The following CHD1L variants were observed in gnomAD, a reference collection of about 807,000 sequenced individuals.
CHD1L encodes chromodomain helicase DNA binding protein 1 like, also known as ATP-dependent chromatin remodeler CHD1L.
Under a neutral mutation model 115.9 loss-of-function variants are expected in CHD1L, and 118 were observed. The observed-to-expected ratio is 1.02, with a 90% CI of 0.88 to 1.19. CHD1L has a LOEUF of 1.19. Among genes scored for constraint, CHD1L ranks in the 50% most tolerant of loss-of-function variants. The pLI, the probability that CHD1L is intolerant of heterozygous loss-of-function variation, is 0.00. For missense variants in CHD1L, 1,179 were observed against 1,065.3 expected (o/e 1.11, Z -1.49); for synonymous variants, 411 against 387.1 (o/e 1.06, Z -0.72).
At chr1:147,188,737 A>C in the CHD1L span, among the ~76,000 whole-genome samples, 1 of 151,076 alleles carries the variant, frequency 6.6e-6, no homozygotes, top group African/African-American at 2.4e-5. Flanking sequence ...ATAAATAAAT[A>C]AATAAATATT....
intron 6 of CHD1L, among the ~76,000 whole-genome samples, chr1:147,262,224 A>G (rs1006041376): frequency 2.4e-4 from 37 of 151,880 alleles, no homozygotes; most frequent in African/African-American, 8.7e-4. Flanking sequence ...AGTTGGAAGC[A>G]ACCTAAATGT....
the CHD1L span, among the ~76,000 whole-genome samples, chr1:147,219,434 C>A: frequency 1.3e-5 from 2 of 152,094 alleles, no homozygotes; most frequent in Non-Finnish European, 2.9e-5. Context: ...GTACAACACC[C>A]ATTCATGATG....
intron 19 of CHD1L, 54 bp from the exon 20 acceptor site, chr1:147,291,424 GATTC>G: frequency 1.5e-6 from 2 of 1,370,718 alleles, no homozygotes; most frequent in South Asian, 1.2e-5. Flanking sequence ...ATACGAGGAG[GATTC>G]ATTCATTAGT....
intron 14 of CHD1L, 131 bp from the exon 15 acceptor site, chr1:147,279,895 A>AG: frequency 1.2e-6 from 1 of 822,694 alleles, no homozygotes; most frequent in Non-Finnish European, 2.0e-6. Context: ...TATGATGGGG[A>AG]GAGCAGAAAG....
At chr1:147,176,128 A>G in the CHD1L span, 36 of 152,312 alleles carry the variant, frequency 2.4e-4, no homozygotes, top group African/African-American at 8.7e-4. Flanking sequence ...TATTAATAAA[A>G]TCAGCATTAG....
intron 12 of CHD1L, among the ~76,000 whole-genome samples, chr1:147,273,125 T>C (rs1571954191): frequency 6.6e-6 from 1 of 152,148 alleles, no homozygotes; most frequent in East Asian, 1.9e-4. Context: ...ACCGCTGGAA[T>C]CCAGGAGGCG....
the CHD1L span, among the ~76,000 whole-genome samples, chr1:147,207,867 AGGTAAT>A: frequency 6.6e-6 from 1 of 152,144 alleles, no homozygotes; most frequent in Non-Finnish European, 1.5e-5. Context: ...CTGGGTCAGG[AGGTAAT>A]GGTATGGGGA....
chr1:147,258,018 C>G (rs1670675820), intron 5 of CHD1L, among the ~76,000 whole-genome samples: 1 of 152,118 alleles, frequency 6.6e-6, no homozygotes, highest in South Asian at 2.1e-4. Context: ...AACATAGATA[C>G]ATTCTTTCAA....
the CHD1L span, chr1:147,224,079 A>T: frequency 2.7e-6 from 1 of 367,294 alleles, no homozygotes; most frequent in East Asian, 9.0e-5. Flanking sequence ...CTGTGTCCCA[A>T]AATGGGGGTC....
At chr1:147,228,845 T>G in the CHD1L span, among the ~76,000 whole-genome samples, 4 of 152,210 alleles carry the variant, frequency 2.6e-5, no homozygotes, top group Non-Finnish European at 4.4e-5. Context: ...TGCCCACTTT[T>G]TGATGGGGTT....
At chr1:147,226,107 C>CTTTTT in the CHD1L span, among the ~76,000 whole-genome samples, 5,074 of 147,812 alleles carry the variant, frequency 0.034, 101 homozygotes, top group African/African-American at 0.043. Flanking sequence ...ATTTATCTTA[C>CTTTTT]TTTTTTTTTT....
At chr1:147,269,439 G>A (rs1453297188) in intron 10 of CHD1L, among the ~76,000 whole-genome samples, 1 of 152,070 alleles carries the variant, frequency 6.6e-6, no homozygotes, top group Non-Finnish European at 1.5e-5. Flanking sequence ...GGGAGGCTGA[G>A]GTGGGCGGAT....
upstream of CHD1L, among the ~76,000 whole-genome samples, chr1:147,240,061 C>T (rs1453018588): frequency 6.6e-6 from 1 of 152,160 alleles, no homozygotes; most frequent in Non-Finnish European, 1.5e-5. Context: ...CCCCATTATG[C>T]GATTGTGTTT....
In CHD1L at chr1:147,284,616, T is replaced by C. The variant is rs969137922; in HGVS notation, c.1854+117T>C. 4.4e-6 allele frequency: 4 copies of C among 913,066 alleles called. No homozygotes were observed. The South Asian group carries it at 6.3e-5, about 14-fold the overall frequency. 56.6% of individuals were successfully genotyped at this position (913,066 alleles called of 1,614,324 possible). A position where few individuals can be genotyped will look rare whatever the true frequency, so the allele number is the denominator to read the frequency against. On this transcript the variant is annotated intron_variant, in intron 16 of 22. Coordinates refer to ENST00000369258, the MANE Select transcript of CHD1L (RefSeq NM_004284.6). ...AGGATGATTTGTCAAGAAATAAGTATGTGTTTGCTGAAATGTTATTATAAT... is the reference window on the plus strand; with the variant it reads ...AGGATGATTTGTCAAGAAATAAGTACGTGTTTGCTGAAATGTTATTATAAT...
intron 19 of CHD1L, 129 bp downstream of exon 19, chr1:147,287,862 C>T (rs1173085222): frequency 1.5e-6 from 1 of 660,716 alleles, no homozygotes. Flanking sequence ...TGAATTCTGT[C>T]ATAAATTAGC....
At chr1:147,285,195 C>A in intron 16 of CHD1L, 129 bp from the exon 17 acceptor site, 1 of 1,041,550 alleles carries the variant, frequency 9.6e-7, no homozygotes, top group Non-Finnish European at 1.4e-6. Context: ...TCCCACCATG[C>A]AGGGTGTGTG....
chr1:147,234,484 A>G, the CHD1L span, among the ~76,000 whole-genome samples: 3 of 152,228 alleles, frequency 2.0e-5, no homozygotes, highest in African/African-American at 7.2e-5. Context: ...CATCGTCCCC[A>G]AAGACATCCA....
chr1:147,278,779 A>G (rs1346469229), intron 14 of CHD1L, among the ~76,000 whole-genome samples: 1 of 152,156 alleles, frequency 6.6e-6, no homozygotes, highest in Non-Finnish European at 1.5e-5. Flanking sequence ...AGGATGAGAT[A>G]GACACTATCT....
chr1:147,189,676 A>G, the CHD1L span, among the ~76,000 whole-genome samples: 2 of 152,140 alleles, frequency 1.3e-5, no homozygotes, highest in African/African-American at 4.8e-5. Flanking sequence ...GGCTGTTACC[A>G]TGTTCCCAAC....
Sources: allele counts gnomAD v4.1 joint callset (sites outside exome capture counted in the v4.1 genomes callset), GRCh38; gene constraint gnomAD v4.1.1; transcripts MANE v1.5; gene names NCBI Gene and HGNC (gene_info 2026-07-23, HGNC 2026-07-21).